Variants in ATP2B2 observed in about 807,000 individuals in gnomAD.
The protein encoded by ATP2B2 is plasma membrane calcium-transporting ATPase 2.
ATP2B2 carries 15 observed loss-of-function variants against 120.0 expected under a neutral mutation model. The observed-to-expected ratio is 0.12, with a 90% CI of 0.08 to 0.19. ATP2B2 has a LOEUF of 0.19. Among genes scored for constraint, ATP2B2 ranks in the 10% least tolerant of loss-of-function variants. The pLI, the probability that ATP2B2 is intolerant of heterozygous loss-of-function variation, is 1.00. For synonymous variants in ATP2B2, 694 were observed against 700.3 expected, an observed-to-expected ratio of 0.99 and a Z score of 0.14; for missense variants, 1,045 against 1,719.8, an observed-to-expected ratio of 0.61 and a Z score of 6.94.
In ATP2B2 at chr3:10,540,333, T is replaced by C. The variant is rs370524933; in HGVS notation, c.-414-6200A>G. ...TGGTGATTCCTCAAGAATCTAGAAC[T>C]AGAAATACCATTTGATTCCGTGATC... On this transcript the variant is annotated intron_variant, in intron 2 of 21. Transcript: ENST00000646379. Among the ~76,000 whole-genome samples, 12 of 152,300 alleles carry C rather than the reference T, an allele frequency of 7.9e-5. No individual in the cohort carries two copies. In the East Asian group the frequency reaches 1.4e-3, roughly 17 times the overall value.
chr3:10,407,549 G>T (rs762587922), intron 3 of ATP2B2, among the ~76,000 whole-genome samples: 8 of 152,212 alleles, frequency 5.3e-5, no homozygotes, highest in Non-Finnish European at 1.0e-4. Context: ...TCTCTGCCTG[G>T]CTCAGGCCTT....
At chr3:10,429,656 T>G (rs2063252332) in intron 2 of ATP2B2, among the ~76,000 whole-genome samples, 1 of 152,182 alleles carries the variant, frequency 6.6e-6, no homozygotes, top group Non-Finnish European at 1.5e-5. Flanking sequence ...TTTGACCAAT[T>G]AATAACTCTA....
intron 1 of ATP2B2, among the ~76,000 whole-genome samples, chr3:10,670,343 C>A (rs186153788): frequency 6.6e-6 from 1 of 152,226 alleles, no homozygotes; most frequent in African/African-American, 2.4e-5. Flanking sequence ...TCATTTTTAC[C>A]CAAAGAACAA....
chr3:10,431,310 C>G (rs888481298), intron 2 of ATP2B2, among the ~76,000 whole-genome samples: 1 of 151,214 alleles, frequency 6.6e-6, no homozygotes, highest in African/African-American at 2.4e-5. Flanking sequence ...GCTAGAGTAA[C>G]CTTTCATGAA....
At chr3:10,360,500 C>T (rs189114195) in intron 12 of ATP2B2, among the ~76,000 whole-genome samples, 16 of 152,284 alleles carry the variant, frequency 1.1e-4, no homozygotes, top group South Asian at 2.1e-4. Flanking sequence ...GAATCCCCTC[C>T]GCAAACCTCT....
intron 22 of ATP2B2, among the ~76,000 whole-genome samples, 198 bp downstream of exon 22, chr3:10,337,978 T>C (rs1415314909): frequency 6.6e-6 from 1 of 152,144 alleles, no homozygotes; most frequent in Non-Finnish European, 1.5e-5. Context: ...ATGGGACCTC[T>C]CTGAGGAGGC....
At chr3:10,514,747 G>C (rs923533424) in intron 3 of ATP2B2, among the ~76,000 whole-genome samples, 9 of 152,208 alleles carry the variant, frequency 5.9e-5, no homozygotes, top group Non-Finnish European at 1.2e-4. Context: ...AAAGAGCATA[G>C]GCTCTCCAAG....
chr3:10,603,164 C>T (rs980303701), intron 2 of ATP2B2, among the ~76,000 whole-genome samples: 2 of 152,244 alleles, frequency 1.3e-5, no homozygotes, highest in African/African-American at 4.8e-5. Flanking sequence ...CCTACAGCAG[C>T]AGTTCACCTT....
Position 10,394,563 on chromosome 3 carries a change from G to A in ATP2B2, c.782-6161C>T, listed in dbSNP as rs1445598227. 4.3e-5 allele frequency: 20 copies of A among 462,638 alleles called. 1 individual carries two copies. The highest frequency in any genetic ancestry group is 3.1e-4 in the South Asian group (20 of 64,328). 28.7% of individuals were successfully genotyped at this position (462,638 alleles called of 1,614,324 possible). A position where few individuals can be genotyped will look rare whatever the true frequency, so the allele number is the denominator to read the frequency against. On this transcript the variant is annotated intron_variant, in intron 5 of 22. Transcript: ENST00000360273. ...GGGTAGTGTAATGGAGAGAGTGCGG[G>A]CCGAGTAGCAGACTGGGCCTTCTGC...
At chr3:10,472,532 G>A (rs2065056220) in intron 1 of ATP2B2, among the ~76,000 whole-genome samples, 2 of 152,210 alleles carry the variant, frequency 1.3e-5, no homozygotes. Flanking sequence ...TATTTTGAGA[G>A]CTGAGCAGCC....
chr3:10,576,344 C>T (rs533782855), intron 2 of ATP2B2, among the ~76,000 whole-genome samples: 3 of 152,316 alleles, frequency 2.0e-5, no homozygotes, highest in African/African-American at 7.2e-5. Context: ...GCCGAGTGTA[C>T]GGTGAACACT....
rs1024665703 is a variant in ATP2B2 at position 10,635,951 on chromosome 3, C to T, written c.-459-15990G>A. On this transcript the variant is annotated intron_variant, in intron 1 of 21. Transcript: ENST00000646379. The surrounding 1 kb of genome is among the most constrained non-coding windows in gnomAD (Gnocchi z 4.3). ...CCTCCAGGCAGAGGGCCCCCTGGAC[C>T]TACCCAAATGGATGCCCAGGGCCCT... Among the ~76,000 whole-genome samples the T allele has an allele frequency of 6.6e-6, 1 of 152,220 alleles. No homozygotes were observed. The highest frequency in any genetic ancestry group is 1.5e-5 in the Non-Finnish European group (1 of 68,040).
chr3:10,418,046 A>C (rs2062848947), intron 2 of ATP2B2, among the ~76,000 whole-genome samples: 1 of 152,078 alleles, frequency 6.6e-6, no homozygotes, highest in Non-Finnish European at 1.5e-5. Flanking sequence ...TGAGAGTGAG[A>C]GTGTTCTCTA....
chr3:10,563,144 G>A (rs1002000946), intron 2 of ATP2B2, among the ~76,000 whole-genome samples: 2 of 152,224 alleles, frequency 1.3e-5, no homozygotes, highest in Admixed American at 1.3e-4. Flanking sequence ...AGGGTTGGCT[G>A]TATGCCAGGC....
chr3:10,701,426 T>C (rs1175204593), intron 1 of ATP2B2, among the ~76,000 whole-genome samples: 3 of 152,226 alleles, frequency 2.0e-5, no homozygotes, highest in Non-Finnish European at 4.4e-5. Context: ...GTTGACAGCC[T>C]ACCATGAGTT....
chr3:10,511,227 C>T (rs546047212), intron 3 of ATP2B2, among the ~76,000 whole-genome samples: 1 of 152,274 alleles, frequency 6.6e-6, no homozygotes, highest in South Asian at 2.1e-4. Context: ...TCAGCTCCAG[C>T]AGCCCCTCCT....
intron 2 of ATP2B2, among the ~76,000 whole-genome samples, chr3:10,417,047 C>T (rs1034876083): frequency 7.3e-5 from 10 of 137,904 alleles, no homozygotes; most frequent in African/African-American, 2.4e-4. Flanking sequence ...GGCAGAGGTG[C>T]TCCTCACTTC....
chr3:10,416,636 C>T lies in ATP2B2; in HGVS notation c.200-5821G>A, dbSNP rs377010534. 8.5e-5 allele frequency among the ~76,000 whole-genome samples: 13 copies of T among 152,250 alleles called. No individual in the cohort carries two copies. The East Asian group carries it at 1.4e-3, about 16-fold the overall frequency. Reference sequence around the variant, plus strand: ...GCTCTGTTAAGCAAAGCTCGAGGGACAGTGGTTCTCTTGGGGGCAAAGGGA... The same window carrying T: ...GCTCTGTTAAGCAAAGCTCGAGGGATAGTGGTTCTCTTGGGGGCAAAGGGA... On this transcript the variant is annotated intron_variant, in intron 2 of 22. Coordinates refer to ENST00000360273, the MANE Select transcript of ATP2B2 (RefSeq NM_001001331.4).
intron 5 of ATP2B2, among the ~76,000 whole-genome samples, chr3:10,394,207 T>C (rs1311143795): frequency 2.0e-5 from 3 of 152,054 alleles, no homozygotes; most frequent in Non-Finnish European, 2.9e-5. Context: ...TGGAGGCTAT[T>C]TCTGGGGGCT....
Sources: allele counts gnomAD v4.1 joint callset (sites outside exome capture counted in the v4.1 genomes callset), GRCh38; gene constraint gnomAD v4.1.1; non-coding constraint Gnocchi (gnomAD v3.1); transcripts MANE v1.5; gene names NCBI Gene and HGNC (gene_info 2026-07-23, HGNC 2026-07-21).